Variants in ACYP2 observed in about 807,000 individuals in gnomAD.
ACYP2 encodes acylphosphatase 2, also known as acylphosphatase-2.
Under a neutral mutation model 11.2 loss-of-function variants are expected in ACYP2, and 12 were observed. The observed-to-expected ratio is 1.08, with a 90% CI of 0.69 to 1.74. ACYP2 has a LOEUF of 1.74. Among genes scored for constraint, ACYP2 ranks in the 40% most tolerant of loss-of-function variants. The probability of loss-of-function intolerance (pLI) is 0.00; values close to 1 mark genes in which losing one functional copy is unlikely to be tolerated. For missense variants in ACYP2, 134 were observed against 101.9 expected (o/e 1.31, Z -1.35); for synonymous variants, 43 against 32.2 (o/e 1.33, Z -1.13).
At chr2:54,108,307 G>T (rs2287644) in intron 4 of ACYP2, among the ~76,000 whole-genome samples, 1 of 151,994 alleles carries the variant, frequency 6.6e-6, no homozygotes, top group Non-Finnish European at 1.5e-5. Context: ...AGAAAGTCCA[G>T]CTAGAAAGAG....
At chr2:54,113,303 C>T (rs1255608964) in intron 4 of ACYP2, among the ~76,000 whole-genome samples, 1 of 151,166 alleles carries the variant, frequency 6.6e-6, no homozygotes, top group Non-Finnish European at 1.5e-5. Flanking sequence ...GCAGTGGCCC[C>T]ATCTCGGTTC....
At chr2:54,038,368 A>G (rs1454066167) in intron 2 of ACYP2, among the ~76,000 whole-genome samples, 3 of 152,002 alleles carry the variant, frequency 2.0e-5, no homozygotes, top group Non-Finnish European at 2.9e-5. Context: ...TTTTGCAAAT[A>G]TATCTTACTT....
chr2:54,136,044 T>G (rs1227651820), intron 5 of ACYP2, among the ~76,000 whole-genome samples: 1 of 152,148 alleles, frequency 6.6e-6, no homozygotes, highest in Non-Finnish European at 1.5e-5. Flanking sequence ...ATTACACAGG[T>G]GCCTGCTACG....
intron 6 of ACYP2, among the ~76,000 whole-genome samples, chr2:54,189,896 C>A (rs1444208177): frequency 3.3e-5 from 5 of 152,142 alleles, no homozygotes; most frequent in African/African-American, 1.2e-4. Context: ...TATGGCCAGC[C>A]TAATGGGTGT....
rs540152609 is a variant in ACYP2, at chr2:54,175,048, T to A, written c.404+36300T>A. ...TCAGGATGATGCTGGCCTCATGAAA[T>A]GAGTTAGGGAGGATTCCCTCTTTTT... On this transcript the variant is annotated intron_variant, in intron 6 of 6. Coordinates refer to ENST00000607452, the MANE Select transcript of ACYP2 (RefSeq NM_001320586.2). Among the ~76,000 whole-genome samples the A allele has an allele frequency of 2.0e-5, 3 of 152,342 alleles. No homozygotes were observed. In the South Asian group the frequency reaches 6.2e-4, roughly 32 times the overall value.
chr2:54,223,421 C>A (rs72908756), intron 6 of ACYP2, among the ~76,000 whole-genome samples: 29 of 152,284 alleles, frequency 1.9e-4, no homozygotes, highest in African/African-American at 6.5e-4. Flanking sequence ...CAGAATAAAT[C>A]TGGATATAAG....
At chr2:54,041,977 C>T (rs76134249) in intron 2 of ACYP2, among the ~76,000 whole-genome samples, 10,002 of 151,288 alleles carry the variant, frequency 0.066, 444 homozygotes, top group East Asian at 0.26. Context: ...TTTCTGTCTC[C>T]GGTCCATTGC....
chr2:54,251,797 A>G (rs749729598), intron 6 of ACYP2, among the ~76,000 whole-genome samples: 1 of 152,224 alleles, frequency 6.6e-6, no homozygotes, highest in Non-Finnish European at 1.5e-5. Context: ...ACTATTCGGT[A>G]TAATAGAGAT....
chr2:54,024,323 G>A (rs569286474), intron 2 of ACYP2, among the ~76,000 whole-genome samples: 85 of 152,200 alleles, frequency 5.6e-4, no homozygotes, highest in Admixed American at 1.3e-3. Context: ...CCGAGATCCC[G>A]TCACTGTACT....
At chr2:54,098,600 G>A (rs991351465) in intron 4 of ACYP2, among the ~76,000 whole-genome samples, 9 of 152,070 alleles carry the variant, frequency 5.9e-5, no homozygotes, top group Non-Finnish European at 1.2e-4. Context: ...CAAATATGTT[G>A]TTACTTGATT....
chr2:54,039,819 TTGTGTGTGTGTGTGTGTGTGTG>T (rs751604890), intron 2 of ACYP2, among the ~76,000 whole-genome samples: 19 of 126,606 alleles, frequency 1.5e-4, no homozygotes, highest in African/African-American at 5.4e-4. Context: ...TTGTTTTCTT[TTGTGTGTGTGTGTGTGTGTGTG>T]TGTGTGTGTG....
intron 5 of ACYP2, among the ~76,000 whole-genome samples, chr2:54,137,136 A>T (rs1274952062): frequency 1.3e-5 from 2 of 152,018 alleles, no homozygotes. Flanking sequence ...AATAGGAGAG[A>T]TAAATCTACC....
chr2:53,995,705 G>A (rs1315568221), intron 2 of ACYP2, among the ~76,000 whole-genome samples: 4 of 151,604 alleles, frequency 2.6e-5, no homozygotes, highest in African/African-American at 4.8e-5. Context: ...TGTCTGCCTC[G>A]GCCTCCCAAA....
At chr2:54,030,580 C>A in intron 2 of ACYP2, 1 of 156,402 alleles carries the variant, frequency 6.4e-6, no homozygotes, top group South Asian at 1.7e-4. Context: ...GTTGGCCTGC[C>A]ACAGATTCGC....
At position 54,131,866 on chromosome 2, in the gene ACYP2, G is replaced by C. The variant is rs139784380; in HGVS notation, c.278-3587G>C. Among the ~76,000 whole-genome samples, 4 of 152,238 alleles carry C rather than the reference G, an allele frequency of 2.6e-5. No homozygotes were observed. In the East Asian group the frequency reaches 7.7e-4, roughly 29 times the overall value. On this transcript the variant is annotated intron_variant, in intron 4 of 6. Transcript: ENST00000607452. ...AAAGCATGTGAAAACAGATTACTGG[G>C]CTCCACCTGTAGCATTTCTGTTCCT... is the stretch of plus-strand genomic sequence containing the variant.
At chr2:54,138,523 C>T (rs894180325) in intron 5 of ACYP2, 116 bp from the exon 3 acceptor site, 1 of 690,652 alleles carries the variant, frequency 1.4e-6, no homozygotes, top group Non-Finnish European at 2.4e-6. Flanking sequence ...CAATTGTTGG[C>T]ATTGACTACA....
At chr2:54,058,140 A>T (rs1473461701) in intron 4 of ACYP2, among the ~76,000 whole-genome samples, 1 of 152,164 alleles carries the variant, frequency 6.6e-6, no homozygotes, top group Non-Finnish European at 1.5e-5. Flanking sequence ...GTCTTTGAAG[A>T]TAATTCACAT....
intron 2 of ACYP2, among the ~76,000 whole-genome samples, chr2:53,993,939 G>A (rs1230064231): frequency 1.3e-5 from 2 of 151,768 alleles, no homozygotes; most frequent in Non-Finnish European, 1.5e-5. Context: ...TAATCCCAGC[G>A]CTTTGGGAGG....
intron 6 of ACYP2, chr2:54,256,323 C>A: frequency 1.5e-6 from 1 of 666,194 alleles, no homozygotes; most frequent in South Asian, 2.0e-5. Flanking sequence ...TCTCGCGAGT[C>A]TGTGGTGGTG....
Sources: gnomAD v4.1 joint callset for allele counts (sites outside exome capture counted in the v4.1 genomes callset) on GRCh38, gnomAD v4.1.1 for gene constraint, MANE v1.5 for transcripts, NCBI Gene and HGNC (gene_info 2026-07-23, HGNC 2026-07-21) for gene names.